The following TMEM260 variants were observed in gnomAD, a reference collection of about 807,000 sequenced individuals.
TMEM260 encodes the protein protein O-mannosyl-transferase TMEM260.
A neutral mutation model predicts 88.9 loss-of-function variants in TMEM260; 82 were observed. That is an observed-to-expected ratio of 0.92 (90% CI 0.77 to 1.11). The LOEUF (loss-of-function observed/expected upper bound fraction) is 1.11, where lower values mean the gene tolerates loss of function less well. TMEM260 is among the 50% of genes least tolerant of loss of function. The pLI, the probability that TMEM260 is intolerant of heterozygous loss-of-function variation, is 0.00. For synonymous variants in TMEM260, 314 were observed against 309.3 expected (o/e 1.02, Z -0.16); for missense variants, 902 against 853.4 (o/e 1.06, Z -0.71).
chr14:56,637,786 C>G (rs551552963), intron 15 of TMEM260, among the ~76,000 whole-genome samples: 1 of 152,288 alleles, frequency 6.6e-6, no homozygotes, highest in South Asian at 2.1e-4. Flanking sequence ...CTTATTCATT[C>G]ACTCACAAAG....
chr14:56,637,458 G>A (rs1002571491), intron 15 of TMEM260, among the ~76,000 whole-genome samples: 3 of 152,206 alleles, frequency 2.0e-5, no homozygotes, highest in Non-Finnish European at 4.4e-5. Context: ...CCTTTCTGAT[G>A]GGAAGTGGGA....
rs1890056192 is a variant in TMEM260, at chr14:56,647,733, T to C, written c.*236T>C. The C allele has an allele frequency of 4.1e-6, 2 of 484,162 alleles. No individual in the cohort carries two copies. Among genetic ancestry groups the C allele is most frequent in the Middle Eastern group, 5.5e-4 (1 of 1,810 alleles). The allele number at this position is 484,162 out of a possible 1,614,324, so 30.0% of individuals were successfully genotyped here. A position where few individuals can be genotyped will look rare whatever the true frequency, so the allele number is the denominator to read the frequency against. On this transcript the variant is annotated 3_prime_UTR_variant, in exon 16 of 16. Transcript: ENST00000261556. Reference sequence around the variant, plus strand: ...AATTACCATTTCAGTGAGAAGCTTTTGAAAAGTCTTCTGACTTCCAGTCTT... The same window carrying C: ...AATTACCATTTCAGTGAGAAGCTTTCGAAAAGTCTTCTGACTTCCAGTCTT...
At chr14:56,584,519 T>C (rs866921911) in intron 1 of TMEM260, among the ~76,000 whole-genome samples, 33 of 152,134 alleles carry the variant, frequency 2.2e-4, no homozygotes, top group Admixed American at 1.3e-4. Flanking sequence ...TTTAAAGATA[T>C]CCAGTGCAAT....
intron 12 of TMEM260, among the ~76,000 whole-genome samples, chr14:56,628,327 C>G (rs1888364355): frequency 6.6e-6 from 1 of 152,176 alleles, no homozygotes; most frequent in South Asian, 2.1e-4. Flanking sequence ...CAACCTCTGT[C>G]AAATATGCAG....
chr14:56,635,727 C>A (rs548848640), intron 14 of TMEM260, among the ~76,000 whole-genome samples: 1 of 152,144 alleles, frequency 6.6e-6, no homozygotes, highest in African/African-American at 2.4e-5. Context: ...GTATTGATGT[C>A]CAGTCTGAGC....
At chr14:56,642,794 T>C (rs1177988241) in intron 15 of TMEM260, among the ~76,000 whole-genome samples, 2 of 151,840 alleles carry the variant, frequency 1.3e-5, no homozygotes, top group Non-Finnish European at 2.9e-5. Context: ...GACAGAAGAA[T>C]CAAACAGATG....
chr14:56,626,522 A>G (rs985728874), intron 12 of TMEM260, among the ~76,000 whole-genome samples: 6 of 152,220 alleles, frequency 3.9e-5, no homozygotes, highest in Admixed American at 1.3e-4. Flanking sequence ...AGTTGTATAC[A>G]TACATAGATG....
chr14:56,634,057 C>G (rs1042288125), intron 13 of TMEM260, among the ~76,000 whole-genome samples: 1 of 152,208 alleles, frequency 6.6e-6, no homozygotes, highest in Non-Finnish European at 1.5e-5. Context: ...ACAACTAGTA[C>G]ACGTACATAA....
At chr14:56,643,144 TCCTC>T (rs1889721176) in intron 15 of TMEM260, among the ~76,000 whole-genome samples, 1 of 152,104 alleles carries the variant, frequency 6.6e-6, no homozygotes, top group East Asian at 1.9e-4. Context: ...AAAGAGGGAA[TCCTC>T]CCTAACTCAT....
At chr14:56,653,284 A>T (rs186013817), downstream of TMEM260, among the ~76,000 whole-genome samples, 565 of 152,338 alleles carry the variant, frequency 3.7e-3, 1 homozygote, top group Admixed American at 5.1e-3. Flanking sequence ...CTTCAGTTTC[A>T]TTTAAAATGT....
Position 56,580,046 on chromosome 14 carries a change from GC to G in TMEM260, c.137del (p.Pro46LeufsTer11). On this transcript the variant is annotated frameshift_variant, in exon 1 of 16. Coordinates refer to ENST00000261556, the MANE Select transcript of TMEM260 (RefSeq NM_017799.4). LOFTEE classifies it high-confidence loss of function. The stretch of plus-strand genomic sequence containing the variant: ...TGGCCGCAGTGTTCACCTTCACCCT[GC>G]CCCCTTCGGTACCGGGGGGAGACTC... Reference protein sequence around the residue: ...AVAAVFTFTLPPSVPGGDSGE... With the variant: ...AVAAVFTFTLXPSVPGGDSGE... 1.6e-6 allele frequency: 2 copies of G among 1,251,722 alleles called. No homozygotes were observed. Among genetic ancestry groups the G allele is most frequent in the Non-Finnish European group, 2.0e-6 (2 of 990,368 alleles). 77.5% of individuals were successfully genotyped at this position (1,251,722 alleles called of 1,614,324 possible).
chr14:56,645,374 T>C (rs1362549223), intron 15 of TMEM260, among the ~76,000 whole-genome samples: 1 of 152,110 alleles, frequency 6.6e-6, no homozygotes, highest in East Asian at 1.9e-4. Flanking sequence ...ACCATCATTC[T>C]GAGCAAACTA....
At chr14:56,580,791 A>G (rs1885077410) in intron 1 of TMEM260, among the ~76,000 whole-genome samples, 2 of 152,198 alleles carry the variant, frequency 1.3e-5, no homozygotes, top group Admixed American at 6.5e-5. Flanking sequence ...AACAAGATCC[A>G]TGTTTTGTTT....
At chr14:56,636,877 G>A (rs1254122682) in intron 15 of TMEM260, among the ~76,000 whole-genome samples, 1 of 152,198 alleles carries the variant, frequency 6.6e-6, no homozygotes, top group Non-Finnish European at 1.5e-5. Context: ...AAAGCAGGGG[G>A]TGGTGGGGAT....
chr14:56,648,935 T>G lies in TMEM260; in HGVS notation c.*1438T>G, dbSNP rs569416688. ...GAATTTGCCCCTTGTCAGCTGCCAG[T>G]AAATAAATCTCAAAGGGGGAAAAGC... On this transcript the variant is annotated 3_prime_UTR_variant, in exon 16 of 16. Coordinates refer to ENST00000261556, the MANE Select transcript of TMEM260 (RefSeq NM_017799.4). 1 of 152,686 alleles carries G rather than the reference T, an allele frequency of 6.5e-6. No homozygotes were observed. Among genetic ancestry groups the G allele is most frequent in the East Asian group, 1.9e-4 (1 of 5,164 alleles). 9.5% of individuals were successfully genotyped at this position (152,686 alleles called of 1,614,324 possible).
At chr14:56,655,270 A>G (rs1482016340), downstream of TMEM260, among the ~76,000 whole-genome samples, 1 of 151,970 alleles carries the variant, frequency 6.6e-6, no homozygotes. Context: ...GATGCCTGTA[A>G]TCCCAGCTAC....
chr14:56,651,830 T>G (rs1322536471), downstream of TMEM260, among the ~76,000 whole-genome samples: 1 of 152,212 alleles, frequency 6.6e-6, no homozygotes, highest in Non-Finnish European at 1.5e-5. Flanking sequence ...TAGATGGAAA[T>G]GGCATAAAAT....
intron 3 of TMEM260, among the ~76,000 whole-genome samples, chr14:56,592,479 G>GA (rs1885926849): frequency 6.6e-6 from 1 of 152,154 alleles, no homozygotes; most frequent in African/African-American, 2.4e-5. Context: ...GCCACCAAAA[G>GA]AAGGAGGCTT....
intron 5 of TMEM260, among the ~76,000 whole-genome samples, chr14:56,608,028 C>G (rs1352527749): frequency 2.0e-5 from 3 of 152,146 alleles, no homozygotes. Context: ...TTAAGAATAG[C>G]AAAGGCATGT....
Sources: gnomAD v4.1 joint callset for allele counts (sites outside exome capture counted in the v4.1 genomes callset) on GRCh38, gnomAD v4.1.1 for gene constraint, MANE v1.5 for transcripts, NCBI Gene and HGNC (gene_info 2026-07-23, HGNC 2026-07-21) for gene names.